Variants in SLC4A10 observed in about 807,000 individuals in gnomAD.
SLC4A10 encodes solute carrier family 4 member 10, also known as sodium-driven chloride bicarbonate exchanger.
SLC4A10 carries 42 observed loss-of-function variants against 137.7 expected under a neutral mutation model. That is an observed-to-expected ratio of 0.30 (90% CI 0.24 to 0.39). The LOEUF is 0.39. SLC4A10 is among the 10% of genes least tolerant of loss of function. The pLI, the probability that SLC4A10 is intolerant of heterozygous loss-of-function variation, is 1.00. For synonymous variants in SLC4A10, 474 were observed against 464.1 expected (o/e 1.02, Z -0.27); for missense variants, 925 against 1,355.0 (o/e 0.68, Z 4.98).
rs1354685124 is a variant in SLC4A10 at position 161,862,890 on chromosome 2, A to G, written c.594A>G (p.Gln198=). ...LEEIADMVLD[Q]QVSSGQLNED... ...TCTCTTCAGATATGGTTCTTGACCA[A>G]CAAGTGAGCTCAGGTCAGCTGAATG... Residue 198 remains glutamine, a synonymous_variant, in exon 6 of 27, where the codon CAA becomes CAG. Coordinates refer to ENST00000446997, the MANE Select transcript of SLC4A10 (RefSeq NM_001178015.2). 2 of 1,603,990 alleles carry G rather than the reference A, an allele frequency of 1.2e-6. No individual in the cohort carries two copies. The highest frequency in any genetic ancestry group is 3.4e-5 in the Admixed American group (2 of 59,076).
Position 161,624,579 on chromosome 2 carries a change from C to T in SLC4A10, c.48+13C>T. On this transcript the variant is annotated intron_variant, in intron 1 of 26. Coordinates refer to ENST00000446997, the MANE Select transcript of SLC4A10 (RefSeq NM_001178015.2). ...GCTGCTGCCTACGGTAAGAGACAAC[C>T]TGCTATCACATAGATTAACCGCGTT... 1 of 1,552,302 alleles carries T rather than the reference C, an allele frequency of 6.4e-7. No individual in the cohort carries two copies. Among genetic ancestry groups the T allele is most frequent in the African/African-American group, 1.4e-5 (1 of 73,172 alleles).
In SLC4A10 at chr2:161,929,510, AT is replaced by A. The variant is rs1402829201; in HGVS notation, c.1998-13277del. Among the ~76,000 whole-genome samples the A allele has an allele frequency of 5.3e-5, 8 of 152,294 alleles. 1 individual carries two copies. The highest frequency in any genetic ancestry group is 1.9e-4 in the African/African-American group (8 of 41,562). ...ATGGCAGTTTCAACAAGTCACACAT[AT>A]TTTTACATGCACCTAAGCTAGGGAC... On this transcript the variant is annotated intron_variant, in intron 15 of 26. Coordinates refer to ENST00000446997, the MANE Select transcript of SLC4A10 (RefSeq NM_001178015.2).
chr2:161,961,546 CCTTTTTT>C lies in SLC4A10; in HGVS notation c.2863-2588_2863-2582del, dbSNP rs199563035. Among the ~76,000 whole-genome samples the C allele has an allele frequency of 1.7e-3, 163 of 98,186 alleles. 3 individuals carry two copies. In the East Asian group the frequency reaches 0.049, roughly 29 times the overall value. The allele number at this position is 98,186 out of a possible 152,430, so 64.4% of individuals were successfully genotyped here. On this transcript the variant is annotated intron_variant, in intron 21 of 26. Transcript: ENST00000446997. Reference sequence around the variant, plus strand: ...TTTTGTTTATTTGTTTTTCTTTTTCCCTTTTTTTTTTTTTTTGCCTTTGGCAAAAGTT... The same window carrying C: ...TTTTGTTTATTTGTTTTTCTTTTTCCTTTTTTTTTGCCTTTGGCAAAAGTT...
chr2:161,774,044 C>T (rs937513307), intron 2 of SLC4A10, among the ~76,000 whole-genome samples: 4 of 151,762 alleles, frequency 2.6e-5, no homozygotes, highest in Non-Finnish European at 5.9e-5. Flanking sequence ...CATTATACAG[C>T]CTCCTTAATA....
intron 1 of SLC4A10, among the ~76,000 whole-genome samples, chr2:161,756,011 C>T (rs2049596602): frequency 1.3e-5 from 2 of 151,896 alleles, no homozygotes; most frequent in Admixed American, 6.6e-5. Flanking sequence ...CCTTGTGATC[C>T]ACCCCCCTCA....
intron 19 of SLC4A10, among the ~76,000 whole-genome samples, chr2:161,952,538 TG>T (rs1694980499): frequency 6.6e-6 from 1 of 152,212 alleles, no homozygotes; most frequent in Non-Finnish European, 1.5e-5. Flanking sequence ...TGCAAATAAA[TG>T]ATTATGTAGT....
intron 3 of SLC4A10, among the ~76,000 whole-genome samples, chr2:161,807,695 T>C (rs1384714802): frequency 6.6e-6 from 1 of 152,212 alleles, no homozygotes; most frequent in Non-Finnish European, 1.5e-5. Flanking sequence ...ATTCTAAATA[T>C]CTTAGGTTCT....
chr2:161,816,943 T>C (rs1165857112), intron 3 of SLC4A10, among the ~76,000 whole-genome samples: 1 of 152,174 alleles, frequency 6.6e-6, no homozygotes, highest in Non-Finnish European at 1.5e-5. Context: ...TAAACATACA[T>C]GTGCATGTGT....
At chr2:161,696,240 A>G (rs1291944162) in intron 1 of SLC4A10, among the ~76,000 whole-genome samples, 1 of 151,260 alleles carries the variant, frequency 6.6e-6, no homozygotes, top group South Asian at 2.1e-4. Flanking sequence ...AAGGACAAGA[A>G]CTCATCCTTT....
chr2:161,933,961 T>G (rs1475753801), intron 15 of SLC4A10, among the ~76,000 whole-genome samples: 3 of 152,118 alleles, frequency 2.0e-5, no homozygotes, highest in Non-Finnish European at 4.4e-5. Context: ...AAGTTTCCCT[T>G]TCTCCACCTC....
intron 1 of SLC4A10, among the ~76,000 whole-genome samples, chr2:161,767,938 GA>G (rs757377874): frequency 3.3e-5 from 5 of 151,746 alleles, no homozygotes; most frequent in Admixed American, 6.6e-5. Context: ...CAAAACCTCA[GA>G]AAAAAGGTGT....
intron 2 of SLC4A10, among the ~76,000 whole-genome samples, chr2:161,790,804 G>A (rs1451383096): frequency 6.6e-6 from 1 of 152,016 alleles, no homozygotes; most frequent in Admixed American, 6.6e-5. Context: ...TTTTGTGTGG[G>A]CAAAAGACAC....
chr2:161,816,212 AAT>A (rs2057041262), intron 3 of SLC4A10, among the ~76,000 whole-genome samples: 1 of 152,164 alleles, frequency 6.6e-6, no homozygotes, highest in African/African-American at 2.4e-5. Context: ...CTACTTAAGA[AAT>A]AGTTATTTTA....
At chr2:161,860,476 A>T (rs1381247680) in intron 5 of SLC4A10, among the ~76,000 whole-genome samples, 4 of 152,188 alleles carry the variant, frequency 2.6e-5, no homozygotes, top group Non-Finnish European at 5.9e-5. Flanking sequence ...TTACAATAAT[A>T]TCATATTGAT....
intron 2 of SLC4A10, among the ~76,000 whole-genome samples, chr2:161,775,162 A>C (rs976475493): frequency 1.3e-5 from 2 of 151,956 alleles, no homozygotes; most frequent in African/African-American, 4.8e-5. Flanking sequence ...CACATCCTAG[A>C]GGATGATAAT....
chr2:161,791,556 C>G (rs1010005643), intron 2 of SLC4A10, among the ~76,000 whole-genome samples: 1 of 152,094 alleles, frequency 6.6e-6, no homozygotes, highest in East Asian at 1.9e-4. Context: ...ATCTGTGCAG[C>G]AAACCACCGT....
intron 26 of SLC4A10, among the ~76,000 whole-genome samples, chr2:161,980,578 C>A (rs184287774): frequency 6.6e-6 from 1 of 151,886 alleles, no homozygotes; most frequent in African/African-American, 2.4e-5. Context: ...CAACCTGCGA[C>A]GTGGAGGTTG....
At chr2:161,814,378 G>A (rs1304081355) in intron 3 of SLC4A10, among the ~76,000 whole-genome samples, 3 of 152,006 alleles carry the variant, frequency 2.0e-5, no homozygotes, top group Admixed American at 6.6e-5. Flanking sequence ...GAGATTTCTC[G>A]AAGAACTTAA....
At chr2:161,950,602 T>C in intron 18 of SLC4A10, 85 bp from the exon 19 acceptor site, 1 of 1,310,496 alleles carries the variant, frequency 7.6e-7, no homozygotes, top group Non-Finnish European at 1.0e-6. Context: ...TAATTAGGGC[T>C]TTCCTAGTAG....
Sources: allele counts gnomAD v4.1 joint callset (sites outside exome capture counted in the v4.1 genomes callset), GRCh38; gene constraint gnomAD v4.1.1; transcripts MANE v1.5; gene names NCBI Gene and HGNC (gene_info 2026-07-23, HGNC 2026-07-21).